Variants in ASAP2 observed in about 807,000 individuals in gnomAD.
ASAP2 encodes arf-GAP with SH3 domain, ANK repeat and PH domain-containing protein 2.
In ASAP2, 45 loss-of-function variants were observed where a neutral mutation model predicts 131.4. The observed-to-expected ratio is 0.34, with a 90% CI of 0.27 to 0.44. ASAP2 has a LOEUF of 0.44. ASAP2 is among the 20% of genes least tolerant of loss of function. ASAP2 has a pLI of 1.00. For synonymous variants in ASAP2, 510 were observed against 503.0 expected, an observed-to-expected ratio of 1.01 and a Z score of -0.19; for missense variants, 1,011 against 1,297.0, an observed-to-expected ratio of 0.78 and a Z score of 3.39.
intron 3 of ASAP2, among the ~76,000 whole-genome samples, chr2:9,317,668 AC>A (rs757731597): frequency 6.7e-6 from 1 of 149,648 alleles, no homozygotes; most frequent in African/African-American, 2.5e-5. Context: ...ACAATCACTC[AC>A]ATCCATAATC....
At chr2:9,315,166 A>T (rs1669566818) in intron 3 of ASAP2, among the ~76,000 whole-genome samples, 1 of 152,206 alleles carries the variant, frequency 6.6e-6, no homozygotes, top group Non-Finnish European at 1.5e-5. Context: ...AACATGGAAA[A>T]TAAGGATGGA....
intron 1 of ASAP2, among the ~76,000 whole-genome samples, chr2:9,249,377 C>A (rs1281555301): frequency 6.6e-6 from 1 of 152,186 alleles, no homozygotes; most frequent in African/African-American, 2.4e-5. Context: ...CATATATGTT[C>A]ATTTCTCTGA....
chr2:9,366,694 C>T (rs186013783), intron 15 of ASAP2, among the ~76,000 whole-genome samples: 1 of 152,244 alleles, frequency 6.6e-6, no homozygotes, highest in Non-Finnish European at 1.5e-5. Context: ...CAGGACTGAG[C>T]AAGGAGGTGG....
chr2:9,257,490 G>A (rs1665246020), intron 1 of ASAP2, among the ~76,000 whole-genome samples: 1 of 152,160 alleles, frequency 6.6e-6, no homozygotes. Context: ...ATGTCGGAAA[G>A]AACAGGCTAG....
At chr2:9,369,743 A>C (rs1269771306) in intron 16 of ASAP2, among the ~76,000 whole-genome samples, 1 of 152,262 alleles carries the variant, frequency 6.6e-6, no homozygotes, top group Non-Finnish European at 1.5e-5. Context: ...AAGTAGAATT[A>C]ATGACACGAG....
At chr2:9,252,423 A>G (rs1664770689) in intron 1 of ASAP2, among the ~76,000 whole-genome samples, 1 of 152,128 alleles carries the variant, frequency 6.6e-6, no homozygotes, top group African/African-American at 2.4e-5. Flanking sequence ...TTTACTAAAA[A>G]TACAGAAAAT....
chr2:9,224,388 T>G (rs1662624044), intron 1 of ASAP2, among the ~76,000 whole-genome samples: 1 of 152,236 alleles, frequency 6.6e-6, no homozygotes, highest in Admixed American at 6.5e-5. Context: ...AATCCCAACA[T>G]GATGCCTAGC....
Position 9,356,236 on chromosome 2 carries a change from G to A in ASAP2, c.1218G>A (p.Gly406=). 1 of 1,614,086 alleles carries A rather than the reference G, an allele frequency of 6.2e-7. No individual in the cohort carries two copies. The highest frequency in any genetic ancestry group is 8.5e-7 in the Non-Finnish European group (1 of 1,179,994). ...KEEALNNAFK[G]DDNTGENNIV... ...AAGCTTTAAACAATGCATTTAAGGG[G>A]GATGACAATACTGGAGAAAATAACA... Residue 406 remains glycine, a synonymous_variant, in exon 14 of 28, where the codon GGG becomes GGA. Coordinates refer to ENST00000281419, the MANE Select transcript of ASAP2 (RefSeq NM_003887.3).
intron 16 of ASAP2, among the ~76,000 whole-genome samples, chr2:9,372,049 G>C (rs1348959238): frequency 6.6e-6 from 1 of 152,160 alleles, no homozygotes; most frequent in African/African-American, 2.4e-5. Context: ...TGCCTTCGGG[G>C]CCTCCAAGCC....
At chr2:9,285,379 A>G (rs1043044860) in intron 2 of ASAP2, among the ~76,000 whole-genome samples, 3 of 152,170 alleles carry the variant, frequency 2.0e-5, no homozygotes, top group Non-Finnish European at 4.4e-5. Context: ...CTGAACTGGG[A>G]CAAAAGGGTA....
chr2:9,347,738 A>G (rs113013803), intron 11 of ASAP2, among the ~76,000 whole-genome samples: 1,861 of 152,248 alleles, frequency 0.012, 36 homozygotes, highest in African/African-American at 0.043. Flanking sequence ...CTCTAATTAG[A>G]TATCCTCTTT....
At chr2:9,385,383 A>G (rs778980595) in intron 21 of ASAP2, 25 bp downstream of exon 21, 4 of 1,562,968 alleles carry the variant, frequency 2.6e-6, no homozygotes, top group Non-Finnish European at 3.5e-6. Context: ...GCTAACCATT[A>G]AGAGTTTTGA....
intron 8 of ASAP2, 124 bp downstream of exon 8, chr2:9,334,937 C>T: frequency 7.5e-7 from 1 of 1,336,744 alleles, no homozygotes; most frequent in Admixed American, 1.8e-5. Context: ...GTGTGGCGTT[C>T]CCACGCCTGT....
chr2:9,279,954 C>T (rs534165251), intron 2 of ASAP2, among the ~76,000 whole-genome samples: 52 of 151,960 alleles, frequency 3.4e-4, no homozygotes, highest in Non-Finnish European at 5.9e-4. Context: ...TGTAGCATAC[C>T]TTCCCTTGTA....
intron 1 of ASAP2, among the ~76,000 whole-genome samples, chr2:9,210,422 ATAGT>A (rs35563492): frequency 0.39 from 58,965 of 151,786 alleles, 12,050 homozygotes; most frequent in African/African-American, 0.46. Context: ...ACCAGATTAT[ATAGT>A]TAGTGAGTCC....
At chr2:9,369,552 A>G (rs768581247) in intron 16 of ASAP2, among the ~76,000 whole-genome samples, 97 of 152,228 alleles carry the variant, frequency 6.4e-4, no homozygotes, top group Non-Finnish European at 1.1e-3. Context: ...GTTGTGATGC[A>G]AAGTGAAACA....
intron 20 of ASAP2, among the ~76,000 whole-genome samples, chr2:9,381,379 T>C (rs1156754916): frequency 6.6e-6 from 1 of 152,202 alleles, no homozygotes; most frequent in Non-Finnish European, 1.5e-5. Flanking sequence ...TATACCAGTA[T>C]ATAAGGTTGT....
At chr2:9,317,700 G>A (rs920749109) in intron 3 of ASAP2, among the ~76,000 whole-genome samples, 15 of 139,150 alleles carry the variant, frequency 1.1e-4, no homozygotes, top group African/African-American at 3.5e-4. Context: ...ACCCTCACAC[G>A]CCCACACACA....
intron 3 of ASAP2, among the ~76,000 whole-genome samples, chr2:9,300,871 G>A (rs911794188): frequency 4.6e-5 from 7 of 152,182 alleles, no homozygotes; most frequent in Admixed American, 3.3e-4. Flanking sequence ...TATGGAAGTC[G>A]GATTGTTGAT....
Sources: gnomAD v4.1 joint callset for allele counts (sites outside exome capture counted in the v4.1 genomes callset) on GRCh38, gnomAD v4.1.1 for gene constraint, MANE v1.5 for transcripts, NCBI Gene and HGNC (gene_info 2026-07-23, HGNC 2026-07-21) for gene names.